Variants in BICC1 observed in about 807,000 individuals in gnomAD.
BICC1 encodes protein bicaudal C homolog 1.
In BICC1, 43 loss-of-function variants were observed where a neutral mutation model predicts 111.0. That is an observed-to-expected ratio of 0.39 (90% CI 0.30 to 0.50). The LOEUF (loss-of-function observed/expected upper bound fraction) is 0.50. Among genes scored for constraint, BICC1 ranks in the 20% least tolerant of loss-of-function variants. The pLI, the probability that BICC1 is intolerant of heterozygous loss-of-function variation, is 0.88. For missense variants in BICC1, 1,091 were observed against 1,203.2 expected (o/e 0.91, Z 1.38); for synonymous variants, 467 against 434.4 (o/e 1.07, Z -0.93).
intron 3 of BICC1, among the ~76,000 whole-genome samples, chr10:58,765,956 C>A (rs141769672): frequency 2.0e-5 from 3 of 152,208 alleles, no homozygotes; most frequent in Non-Finnish European, 4.4e-5. Flanking sequence ...TTTCCAGGCA[C>A]ACAATAAAGT....
intron 3 of BICC1, among the ~76,000 whole-genome samples, chr10:58,769,400 GTGTGTA>G (rs1196657645): frequency 2.8e-4 from 30 of 106,586 alleles, no homozygotes; most frequent in Middle Eastern, 5.5e-3. Context: ...GTGTGTGTGT[GTGTGTA>G]TATATATATA....
At chr10:58,655,238 G>C (rs12356829) in intron 2 of BICC1, among the ~76,000 whole-genome samples, 86,006 of 142,908 alleles carry the variant, frequency 0.6, 27,947 homozygotes, top group Non-Finnish European at 0.73. Flanking sequence ...TCGTAGCTTT[G>C]TGGGGATGGC....
In BICC1 at chr10:58,813,993, G is replaced by A. The variant is rs9416746; in HGVS notation, c.2533+7G>A. The A allele has an allele frequency of 1.2e-6, 2 of 1,613,760 alleles. No homozygotes were observed. Among genetic ancestry groups the A allele is most frequent in the Non-Finnish European group, 8.5e-7 (1 of 1,179,836 alleles). ...CGTAAACAAAACAAATCAAGTGAGC[G>A]TTGTGTTTTATGCACACTTTTAGGT... On this transcript the variant is annotated splice_region_variant and intron_variant, in intron 18 of 20. Coordinates refer to ENST00000373886, the MANE Select transcript of BICC1 (RefSeq NM_001080512.3).
chr10:58,588,679 C>T (rs1013676866), intron 1 of BICC1, among the ~76,000 whole-genome samples: 13 of 152,170 alleles, frequency 8.5e-5, no homozygotes, highest in African/African-American at 2.7e-4. Context: ...GGGTGCTGTG[C>T]ACACGATGTC....
chr10:58,798,309 A>C, intron 10 of BICC1, 90 bp from the exon 11 acceptor site: 1 of 953,882 alleles, frequency 1.0e-6, no homozygotes, highest in Non-Finnish European at 1.5e-6. Context: ...AGATTATATC[A>C]TTGTGCATTC....
Position 58,817,430 on chromosome 10 carries a change from T to G in BICC1, c.2534-132T>G, listed in dbSNP as rs1473147128. The G allele has an allele frequency of 3.2e-5, 30 of 940,426 alleles. No homozygotes were observed. In the East Asian group the frequency reaches 7.3e-4, roughly 23 times the overall value. 58.3% of individuals were successfully genotyped at this position (940,426 alleles called of 1,614,324 possible). ...AGCCAATATTTCAGTAAAGGATTGC[T>G]GTATTTCTACAGCTACTGCCCTATT... On this transcript the variant is annotated intron_variant, in intron 18 of 20. Coordinates refer to ENST00000373886, the MANE Select transcript of BICC1 (RefSeq NM_001080512.3).
rs547900380 is a variant in BICC1, at chr10:58,707,693, C to CTTA, written c.307+5568_307+5570dup. ...TACAGGCACACACCACCACGCCCAG[C>CTTA]TTATTATTATTATTATTATTTGAGA... On this transcript the variant is annotated intron_variant, in intron 3 of 20. Coordinates refer to ENST00000373886, the MANE Select transcript of BICC1 (RefSeq NM_001080512.3). Among the ~76,000 whole-genome samples, 345 of 151,324 alleles carry CTTA rather than the reference C, an allele frequency of 2.3e-3. 6 individuals are homozygous for CTTA. The East Asian group carries it at 0.058, about 25-fold the overall frequency.
At chr10:58,747,619 T>A (rs1022339100) in intron 3 of BICC1, among the ~76,000 whole-genome samples, 4 of 152,150 alleles carry the variant, frequency 2.6e-5, no homozygotes, top group Non-Finnish European at 5.9e-5. Context: ...GGTGAGACAT[T>A]TGAAATTTAC....
chr10:58,686,978 C>T (rs865923210), intron 2 of BICC1, among the ~76,000 whole-genome samples: 90 of 152,310 alleles, frequency 5.9e-4, no homozygotes, highest in Middle Eastern at 3.4e-3. Context: ...AGCTTTTCTG[C>T]TCGGGTTTCT....
rs1843106480 is a variant in BICC1, at chr10:58,789,345, T to C, written c.684T>C (p.Ile228=). 6.2e-7 allele frequency: 1 copy of C among 1,613,904 alleles called. No homozygotes were observed. Among genetic ancestry groups the C allele is most frequent in the Non-Finnish European group, 8.5e-7 (1 of 1,179,950 alleles). The change falls in exon 7 of 21, where the codon ATT becomes ATC. Residue 228 remains isoleucine, a synonymous_variant. Coordinates refer to ENST00000373886, the MANE Select transcript of BICC1 (RefSeq NM_001080512.3). ...QPVPDPNSPS[I]QHISQTYNIS... ...TTCCTGATCCTAATTCCCCCTCTAT[T>C]CAGCATATATCACAAACGTACAATA...
At chr10:58,558,743 C>T (rs75550984) in intron 1 of BICC1, among the ~76,000 whole-genome samples, 4 of 152,042 alleles carry the variant, frequency 2.6e-5, no homozygotes, top group East Asian at 1.9e-4. Flanking sequence ...TTATTTCTCA[C>T]GGTTCTGGAG....
chr10:58,747,987 T>G (rs1405904791), intron 3 of BICC1, among the ~76,000 whole-genome samples: 2 of 152,110 alleles, frequency 1.3e-5, no homozygotes, highest in African/African-American at 4.8e-5. Flanking sequence ...AAGCCTAAAA[T>G]ATTTACTATC....
At chr10:58,708,112 G>A (rs1840453240) in intron 3 of BICC1, among the ~76,000 whole-genome samples, 1 of 147,422 alleles carries the variant, frequency 6.8e-6, no homozygotes, top group African/African-American at 2.5e-5. Flanking sequence ...CCAAAGTGCT[G>A]GGATTACAGG....
At chr10:58,517,232 A>G (rs1842266007) in intron 1 of BICC1, among the ~76,000 whole-genome samples, 1 of 152,112 alleles carries the variant, frequency 6.6e-6, no homozygotes, top group South Asian at 2.1e-4. Context: ...AAGGAGATTG[A>G]CATCTGGTGG....
At chr10:58,529,035 G>T (rs552975566) in intron 1 of BICC1, among the ~76,000 whole-genome samples, 1 of 152,022 alleles carries the variant, frequency 6.6e-6, no homozygotes, top group South Asian at 2.1e-4. Flanking sequence ...AGTCAAATTT[G>T]CAACACCCTG....
intron 1 of BICC1, among the ~76,000 whole-genome samples, chr10:58,574,600 T>TA (rs1327860340): frequency 1.3e-5 from 2 of 152,168 alleles, no homozygotes; most frequent in Non-Finnish European, 2.9e-5. Flanking sequence ...TCAAGCCCCT[T>TA]TTACATTTTA....
intron 3 of BICC1, among the ~76,000 whole-genome samples, chr10:58,739,358 G>GCAAA: frequency 6.6e-6 from 1 of 152,142 alleles, no homozygotes; most frequent in Admixed American, 6.6e-5. Flanking sequence ...TTTTGTCTTT[G>GCAAA]GTTCTGTTTA....
intron 2 of BICC1, among the ~76,000 whole-genome samples, chr10:58,647,842 T>A (rs1392274114): frequency 6.6e-6 from 1 of 152,238 alleles, no homozygotes; most frequent in East Asian, 1.9e-4. Flanking sequence ...TGAAACTAGC[T>A]GAATTTTTCT....
intron 2 of BICC1, among the ~76,000 whole-genome samples, chr10:58,653,461 C>T (rs1402986317): frequency 6.6e-6 from 1 of 152,070 alleles, no homozygotes. Context: ...AAATTTAAAG[C>T]CCATTTCATA....
Sources: allele counts gnomAD v4.1 joint callset (sites outside exome capture counted in the v4.1 genomes callset), GRCh38; gene constraint gnomAD v4.1.1; transcripts MANE v1.5; gene names NCBI Gene and HGNC (gene_info 2026-07-23, HGNC 2026-07-21).